Variants in CADM2 observed in about 807,000 individuals in gnomAD.
The protein encoded by CADM2 is immunoglobulin superfamily member 4D.
A neutral mutation model predicts 49.8 loss-of-function variants in CADM2; 12 were observed. The observed-to-expected ratio is 0.24, with a 90% CI of 0.15 to 0.39. The LOEUF (loss-of-function observed/expected upper bound fraction) is 0.39. Ranked by LOEUF, CADM2 falls within the 10% of genes least tolerant of loss-of-function variation. The pLI is 1.00. For missense variants in CADM2, 378 were observed against 492.3 expected (o/e 0.77, Z 2.20); for synonymous variants, 214 against 175.4 (o/e 1.22, Z -1.74).
intron 1 of CADM2, among the ~76,000 whole-genome samples, chr3:85,568,397 C>CTTTCTT (rs1491526607): frequency 3.8e-5 from 2 of 52,092 alleles, no homozygotes; most frequent in Non-Finnish European, 5.4e-5. Flanking sequence ...TCCTTCCTCC[C>CTTTCTT]TCTTTCTTTC....
At chr3:86,052,054 G>T (rs371331491) in intron 8 of CADM2, among the ~76,000 whole-genome samples, 4 of 151,742 alleles carry the variant, frequency 2.6e-5, no homozygotes, top group African/African-American at 9.7e-5. Context: ...CTAGAAAAAA[G>T]GAAAAAATGG....
intron 1 of CADM2, among the ~76,000 whole-genome samples, chr3:85,234,090 T>A (rs2042359142): frequency 6.6e-6 from 1 of 152,082 alleles, no homozygotes. Flanking sequence ...GCAGATAGGT[T>A]ACCTGAGTTA....
At chr3:85,412,697 C>G (rs1426602618) in intron 1 of CADM2, among the ~76,000 whole-genome samples, 2 of 151,654 alleles carry the variant, frequency 1.3e-5, no homozygotes, top group East Asian at 1.9e-4. Flanking sequence ...GAAAATAAAA[C>G]AAAAAGAATA....
intron 1 of CADM2, among the ~76,000 whole-genome samples, chr3:85,367,184 G>T (rs769224598): frequency 1.3e-5 from 2 of 151,780 alleles, no homozygotes; most frequent in African/African-American, 4.8e-5. Flanking sequence ...CATGTTATTT[G>T]AAAAACCATT....
At chr3:85,345,414 TA>T in intron 1 of CADM2, among the ~76,000 whole-genome samples, 1 of 152,040 alleles carries the variant, frequency 6.6e-6, no homozygotes, top group South Asian at 2.1e-4. Flanking sequence ...GAATCACTTT[TA>T]AATGATCAAA....
intron 7 of CADM2, 107 bp from the exon 8 acceptor site, chr3:85,961,362 G>A: frequency 1.1e-6 from 1 of 907,180 alleles, no homozygotes; most frequent in East Asian, 2.7e-5. Context: ...GTTAGCATAT[G>A]GTTGTGTACA....
chr3:86,038,137 C>G (rs902282438), intron 8 of CADM2, among the ~76,000 whole-genome samples: 4 of 152,058 alleles, frequency 2.6e-5, no homozygotes, highest in Admixed American at 2.6e-4. Context: ...TTCCAGCTTG[C>G]TTTCCCTCTT....
At chr3:85,254,691 A>T (rs1484179640) in intron 1 of CADM2, among the ~76,000 whole-genome samples, 2 of 152,164 alleles carry the variant, frequency 1.3e-5, no homozygotes, top group Admixed American at 6.6e-5. Context: ...GTAACTGTGC[A>T]GAACAATTTA....
At chr3:85,740,791 A>G (rs1019467053) in intron 2 of CADM2, among the ~76,000 whole-genome samples, 35 of 152,190 alleles carry the variant, frequency 2.3e-4, no homozygotes, top group African/African-American at 8.4e-4. Context: ...ACTTGGAGCC[A>G]ATTTCTTCTG....
rs572377983 is a variant in CADM2, at chr3:85,228,619, C to T, written c.61+268951C>T. Reference sequence around the variant, plus strand: ...GAGTTTGCTGGAGGCCCCCTCCACACTGTGTTTGCCTGGGTATCACCTGCA... The same window carrying T: ...GAGTTTGCTGGAGGCCCCCTCCACATTGTGTTTGCCTGGGTATCACCTGCA... On this transcript the variant is annotated intron_variant, in intron 1 of 9. Transcript: ENST00000383699. 7.2e-5 allele frequency among the ~76,000 whole-genome samples: 11 copies of T among 152,088 alleles called. No individual in the cohort carries two copies. The East Asian group carries it at 2.2e-3, about 30-fold the overall frequency.
At chr3:85,264,502 C>T (rs889337442) in intron 1 of CADM2, among the ~76,000 whole-genome samples, 1 of 152,028 alleles carries the variant, frequency 6.6e-6, no homozygotes, top group Non-Finnish European at 1.5e-5. Context: ...ACTATTCTTT[C>T]ACTTGCCTAG....
At chr3:85,498,474 C>A (rs540836135) in intron 1 of CADM2, among the ~76,000 whole-genome samples, 1 of 152,178 alleles carries the variant, frequency 6.6e-6, no homozygotes, top group African/African-American at 2.4e-5. Context: ...AATGATGAAA[C>A]TACGGTAAAG....
chr3:85,071,019 T>C (rs143702756), intron 1 of CADM2, among the ~76,000 whole-genome samples: 14 of 149,672 alleles, frequency 9.4e-5, no homozygotes, highest in South Asian at 2.1e-4. Context: ...AATAAATAAA[T>C]AAACAAATAA....
At chr3:85,935,711 A>T in intron 6 of CADM2, 56 bp from the exon 7 acceptor site, 1 of 865,154 alleles carries the variant, frequency 1.2e-6, no homozygotes, top group Non-Finnish European at 1.8e-6. Flanking sequence ...CACAGTTATT[A>T]AATATCTAGT....
chr3:85,438,355 G>A (rs1292338511), intron 1 of CADM2, among the ~76,000 whole-genome samples: 1 of 109,298 alleles, frequency 9.1e-6, no homozygotes, highest in Non-Finnish European at 2.0e-5. Flanking sequence ...GTTCCAAGTC[G>A]TGGTGTTTGA....
At chr3:85,708,197 T>TA (rs1165326444) in intron 1 of CADM2, among the ~76,000 whole-genome samples, 1 of 152,204 alleles carries the variant, frequency 6.6e-6, no homozygotes, top group Non-Finnish European at 1.5e-5. Context: ...ATGTAGATAC[T>TA]AAAATAAATA....
chr3:85,767,399 A>G (rs2107927446), intron 2 of CADM2, among the ~76,000 whole-genome samples: 1 of 152,322 alleles, frequency 6.6e-6, no homozygotes, highest in Non-Finnish European at 1.5e-5. Flanking sequence ...TTTCACCCTC[A>G]TGATCTAGTT....
At chr3:85,979,567 G>A (rs112954319) in intron 8 of CADM2, among the ~76,000 whole-genome samples, 19 of 151,468 alleles carry the variant, frequency 1.3e-4, no homozygotes, top group African/African-American at 4.6e-4. Context: ...TGTTAGCATG[G>A]GACACAGTTT....
At chr3:85,900,976 T>G (rs572500685) in intron 5 of CADM2, among the ~76,000 whole-genome samples, 4 of 152,306 alleles carry the variant, frequency 2.6e-5, no homozygotes, top group Admixed American at 6.5e-5. Flanking sequence ...TTTACAAAAT[T>G]TATGAATCAT....
Sources: allele counts gnomAD v4.1 joint callset (sites outside exome capture counted in the v4.1 genomes callset), GRCh38; gene constraint gnomAD v4.1.1; transcripts MANE v1.5; gene names NCBI Gene and HGNC (gene_info 2026-07-23, HGNC 2026-07-21).